Variants in CAMTA1 observed in about 807,000 individuals in gnomAD.
The protein encoded by CAMTA1 is calmodulin-binding transcription activator 1.
Under a neutral mutation model 170.9 loss-of-function variants are expected in CAMTA1, and 27 were observed. The ratio of observed to expected loss-of-function variants is 0.16; its 90% CI spans 0.12 to 0.22. The LOEUF (loss-of-function observed/expected upper bound fraction) is 0.22. CAMTA1 is among the 10% of genes least tolerant of loss of function. The pLI, the probability that CAMTA1 is intolerant of heterozygous loss-of-function variation, is 1.00. For missense variants in CAMTA1, 1,619 were observed against 2,217.2 expected (o/e 0.73, Z 5.42); for synonymous variants, 833 against 891.5 (o/e 0.93, Z 1.17).
At chr1:6,961,615 C>T (rs1189771075) in intron 3 of CAMTA1, among the ~76,000 whole-genome samples, 1 of 28,374 alleles carries the variant, frequency 3.5e-5, no homozygotes, top group Admixed American at 4.3e-4. Flanking sequence ...GAGTTTGGGG[C>T]GGGTGGGGAG....
chr1:7,254,013 C>G (rs1666997138), intron 5 of CAMTA1, among the ~76,000 whole-genome samples: 1 of 152,072 alleles, frequency 6.6e-6, no homozygotes, highest in African/African-American at 2.4e-5. Context: ...GATAGAATTA[C>G]AAGGCCCTGT....
At chr1:6,910,373 G>T (rs1169232381) in intron 3 of CAMTA1, among the ~76,000 whole-genome samples, 1 of 152,170 alleles carries the variant, frequency 6.6e-6, no homozygotes, top group Non-Finnish European at 1.5e-5. Flanking sequence ...TTTTCTTTCA[G>T]CTTCTGCATA....
intron 1 of CAMTA1, among the ~76,000 whole-genome samples, chr1:6,798,537 C>T (rs1333416537): frequency 3.3e-5 from 5 of 151,770 alleles, no homozygotes; most frequent in Admixed American, 3.3e-4. Flanking sequence ...CCTGCCTCAG[C>T]CTCTTGGGTA....
intron 6 of CAMTA1, among the ~76,000 whole-genome samples, chr1:7,579,753 T>A (rs978552405): frequency 9.2e-5 from 14 of 151,574 alleles, no homozygotes; most frequent in African/African-American, 3.4e-4. Flanking sequence ...AGAGACGGGG[T>A]TTCACCATGT....
rs1266221210 is a variant in CAMTA1 at position 7,333,995 on chromosome 1, A to G, written c.438+84369A>G. 1.3e-5 allele frequency among the ~76,000 whole-genome samples: 2 copies of G among 152,148 alleles called. No homozygotes were observed. Among genetic ancestry groups the G allele is most frequent in the Non-Finnish European group, 2.9e-5 (2 of 68,020 alleles). ...CTGCTCTCCAGCCTGATGTGGGCAAATTGTGTCACGTAGCCAGGCAAGTGG... is the reference window on the plus strand; with the variant it reads ...CTGCTCTCCAGCCTGATGTGGGCAAGTTGTGTCACGTAGCCAGGCAAGTGG... On this transcript the variant is annotated intron_variant, in intron 5 of 22. Transcript: ENST00000303635. This position sits in a 1 kb window ranked among gnomAD's most constrained non-coding sequence, Gnocchi z 4.4.
intron 5 of CAMTA1, among the ~76,000 whole-genome samples, chr1:7,360,642 C>A (rs1363460896): frequency 1.3e-5 from 2 of 152,224 alleles, no homozygotes; most frequent in Non-Finnish European, 2.9e-5. Context: ...CCTTTTGTGG[C>A]TCTCTCAGGA....
intron 5 of CAMTA1, among the ~76,000 whole-genome samples, chr1:7,309,593 C>A (rs1676154147): frequency 6.6e-6 from 1 of 152,074 alleles, no homozygotes; most frequent in African/African-American, 2.4e-5. Flanking sequence ...GCCGCCGCGC[C>A]CGGCCTGAAA....
intron 3 of CAMTA1, among the ~76,000 whole-genome samples, chr1:6,848,347 C>T (rs1302777590): frequency 6.6e-6 from 1 of 152,204 alleles, no homozygotes; most frequent in Non-Finnish European, 1.5e-5. Context: ...AAGACAGAGT[C>T]TCCCTACATT....
intron 5 of CAMTA1, among the ~76,000 whole-genome samples, chr1:7,354,679 A>T (rs1180029069): frequency 1.3e-5 from 2 of 152,188 alleles, no homozygotes. Context: ...TTACATTCCC[A>T]CCTGCAATGT....
intron 3 of CAMTA1, among the ~76,000 whole-genome samples, chr1:6,885,210 G>A (rs1022240149): frequency 6.6e-6 from 1 of 152,170 alleles, no homozygotes; most frequent in African/African-American, 2.4e-5. Context: ...CAAAAGAAGA[G>A]CTATTTTATG....
intron 6 of CAMTA1, among the ~76,000 whole-genome samples, chr1:7,512,827 A>G (rs539268204): frequency 1.3e-5 from 2 of 152,244 alleles, no homozygotes; most frequent in South Asian, 2.1e-4. Flanking sequence ...GCTGGGAGGG[A>G]GGGAGCCAGG....
In CAMTA1 at chr1:7,706,627, A is replaced by G. The variant is rs1444299318; in HGVS notation, c.2915-25821A>G. 5.9e-5 allele frequency among the ~76,000 whole-genome samples: 9 copies of G among 152,342 alleles called. No individual in the cohort carries two copies. In the East Asian group the frequency reaches 1.5e-3, roughly 26 times the overall value. On this transcript the variant is annotated intron_variant, in intron 11 of 22. Transcript: ENST00000303635. The stretch of plus-strand genomic sequence containing the variant: ...TTCTTTGTATTAGATTTAGAGAGTA[A>G]TAATGTTTAATGTCCAAGAAAATAG...
chr1:7,670,770 C>A, intron 9 of CAMTA1, 141 bp from the exon 10 acceptor site: 1 of 920,494 alleles, frequency 1.1e-6, no homozygotes, highest in Non-Finnish European at 1.6e-6. Flanking sequence ...CACTGCAATC[C>A]CTGGAGTGAG....
intron 5 of CAMTA1, among the ~76,000 whole-genome samples, chr1:7,430,319 G>C (rs1486165139): frequency 6.6e-6 from 1 of 152,028 alleles, no homozygotes; most frequent in Non-Finnish European, 1.5e-5. Context: ...TGCTGCTGCT[G>C]ATGGCAGTGG....
At chr1:7,095,048 C>G (rs978984252) in intron 4 of CAMTA1, among the ~76,000 whole-genome samples, 1 of 151,806 alleles carries the variant, frequency 6.6e-6, no homozygotes, top group Non-Finnish European at 1.5e-5. Context: ...AGTCTCACCC[C>G]CACCCCCACC....
intron 3 of CAMTA1, among the ~76,000 whole-genome samples, chr1:6,982,423 C>A (rs373293849): frequency 6.6e-6 from 1 of 152,198 alleles, no homozygotes. Flanking sequence ...GAAATGAGGG[C>A]AGATCCTGGA....
Position 7,723,285 on chromosome 1 carries a change from G to A in CAMTA1, c.2915-9163G>A, listed in dbSNP as rs548372789. Among the ~76,000 whole-genome samples, 9 of 152,264 alleles carry A rather than the reference G, an allele frequency of 5.9e-5. No individual in the cohort carries two copies. The East Asian group carries it at 1.2e-3, about 20-fold the overall frequency. On this transcript the variant is annotated intron_variant, in intron 11 of 22. Transcript: ENST00000303635. Reference sequence around the variant, plus strand: ...AAGGAAGAAAAAAGGATGAGGGCACGTCAGAGGGGCATAAGGGTCAGCCGG... The same window carrying A: ...AAGGAAGAAAAAAGGATGAGGGCACATCAGAGGGGCATAAGGGTCAGCCGG...
At chr1:7,624,154 A>T (rs992184406) in intron 6 of CAMTA1, among the ~76,000 whole-genome samples, 5 of 152,246 alleles carry the variant, frequency 3.3e-5, no homozygotes, top group African/African-American at 4.8e-5. Flanking sequence ...AGACCTAAAA[A>T]CAAACAGGGA....
intron 3 of CAMTA1, among the ~76,000 whole-genome samples, chr1:6,982,912 G>A (rs1694687834): frequency 6.6e-6 from 1 of 152,208 alleles, no homozygotes; most frequent in Admixed American, 6.5e-5. Flanking sequence ...GGCCTGGTTT[G>A]TGGGCCTCCT....
Sources: allele counts gnomAD v4.1 joint callset (sites outside exome capture counted in the v4.1 genomes callset), GRCh38; gene constraint gnomAD v4.1.1; non-coding constraint Gnocchi (gnomAD v3.1); transcripts MANE v1.5; gene names NCBI Gene and HGNC (gene_info 2026-07-23, HGNC 2026-07-21).